Variants in PIEZO2 observed in about 807,000 individuals in gnomAD.
PIEZO2 encodes the protein piezo type mechanosensitive ion channel component 2, also known as piezo-type mechanosensitive ion channel component 2.
A neutral mutation model predicts 337.3 loss-of-function variants in PIEZO2; 172 were observed. The observed-to-expected ratio is 0.51, with a 90% CI of 0.45 to 0.58. The LOEUF (loss-of-function observed/expected upper bound fraction) is 0.58, where lower values mean the gene tolerates loss of function less well. PIEZO2 is among the 20% of genes least tolerant of loss of function. The probability of loss-of-function intolerance (pLI) is 0.00; values close to 1 mark genes in which losing one functional copy is unlikely to be tolerated. For synonymous variants in PIEZO2, 1,251 were observed against 1,228.5 expected (o/e 1.02, Z -0.38); for missense variants, 3,028 against 3,391.3 (o/e 0.89, Z 2.66).
chr18:10,694,382 T>C (rs1015687696), intron 47 of PIEZO2, among the ~76,000 whole-genome samples: 1 of 152,194 alleles, frequency 6.6e-6, no homozygotes, highest in Admixed American at 6.5e-5. Context: ...CCATTTTTTT[T>C]ATTACTTTCT....
chr18:10,886,823 C>A (rs772921549), intron 4 of PIEZO2, among the ~76,000 whole-genome samples: 28 of 151,846 alleles, frequency 1.8e-4, no homozygotes, highest in South Asian at 4.2e-4. Flanking sequence ...CTGTATTAGG[C>A]CTTTCTTGTC....
At chr18:11,066,302 A>C in intron 1 of PIEZO2, 80 bp from the exon 2 acceptor site, 1 of 1,003,132 alleles carries the variant, frequency 1.0e-6, no homozygotes, top group Middle Eastern at 2.1e-4. Context: ...ATAACAAAAG[A>C]TGGTCTCAGA....
intron 1 of PIEZO2, among the ~76,000 whole-genome samples, chr18:11,075,399 G>A (rs1026267210): frequency 6.6e-6 from 1 of 152,190 alleles, no homozygotes. Context: ...AAGGAAAAAG[G>A]CTGTTATGTC....
At chr18:10,756,275 TGAA>T (rs1205213316) in intron 27 of PIEZO2, among the ~76,000 whole-genome samples, 1 of 144,996 alleles carries the variant, frequency 6.9e-6, no homozygotes, top group Non-Finnish European at 1.5e-5. Flanking sequence ...GGGATGGAGA[TGAA>T]GAGGAGGGAT....
intron 20 of PIEZO2, among the ~76,000 whole-genome samples, chr18:10,772,354 C>G (rs1439409221): frequency 6.6e-6 from 1 of 152,194 alleles, no homozygotes; most frequent in Non-Finnish European, 1.5e-5. Context: ...AGAAAAGTGG[C>G]TGAGCAATTT....
Position 11,110,657 on chromosome 18 carries a change from T to C in PIEZO2, c.64+37868A>G, listed in dbSNP as rs974211483. 6.6e-5 allele frequency among the ~76,000 whole-genome samples: 10 copies of C among 152,204 alleles called. 1 individual carries two copies. In the South Asian group the frequency reaches 1.0e-3, roughly 16 times the overall value. On this transcript the variant is annotated intron_variant, in intron 1 of 55. Transcript: ENST00000674853. The surrounding 1 kb of genome is among the most constrained non-coding windows in gnomAD (Gnocchi z 4.2). ...GCCCCAGGCCAGGCTAGCAAGTCAG[T>C]GGCCTCTGATGCGATGCCTCGTCAT...
intron 2 of PIEZO2, among the ~76,000 whole-genome samples, chr18:11,024,368 A>AC (rs1161086879): frequency 1.3e-5 from 2 of 151,788 alleles, no homozygotes. Flanking sequence ...AGATAGTGAA[A>AC]CCCCACCTCT....
At chr18:10,754,367 G>A (rs940154525) in intron 27 of PIEZO2, among the ~76,000 whole-genome samples, 2 of 152,226 alleles carry the variant, frequency 1.3e-5, no homozygotes, top group Non-Finnish European at 2.9e-5. Context: ...GAAGAGGGGA[G>A]CATGGCTGTG....
At position 11,001,714 on chromosome 18, in the gene PIEZO2, C is replaced by T. The variant is rs1300684150; in HGVS notation, c.161-22054G>A. 2.0e-5 allele frequency among the ~76,000 whole-genome samples: 3 copies of T among 151,844 alleles called. No homozygotes were observed. Among genetic ancestry groups the T allele is most frequent in the Non-Finnish European group, 4.4e-5 (3 of 67,988 alleles). On this transcript the variant is annotated intron_variant, in intron 2 of 55. Transcript: ENST00000674853. This position sits in a 1 kb window ranked among gnomAD's most constrained non-coding sequence, Gnocchi z 5.3. ...CTAACATGGTAAAACCCTGTCTCTG[C>T]TAAAAATACAAAAATGGGCCATGCA...
intron 2 of PIEZO2, among the ~76,000 whole-genome samples, chr18:11,029,820 C>T (rs927481893): frequency 3.3e-5 from 5 of 152,098 alleles, no homozygotes; most frequent in Non-Finnish European, 1.5e-5. Flanking sequence ...AGAAGGTGGA[C>T]CCTTCCACCA....
chr18:10,970,087 C>T (rs113633276), intron 3 of PIEZO2, among the ~76,000 whole-genome samples: 3 of 152,124 alleles, frequency 2.0e-5, no homozygotes, highest in African/African-American at 4.8e-5. Flanking sequence ...TATCACTCAA[C>T]ATTAAAAGTT....
chr18:11,043,965 G>C (rs1195028636), intron 2 of PIEZO2, among the ~76,000 whole-genome samples: 1 of 152,150 alleles, frequency 6.6e-6, no homozygotes, highest in East Asian at 1.9e-4. Context: ...GAGCCACCGT[G>C]TCTGGCTGGT....
chr18:10,723,359 G>C (rs533584781), intron 36 of PIEZO2, among the ~76,000 whole-genome samples: 16 of 152,132 alleles, frequency 1.1e-4, no homozygotes, highest in Admixed American at 1.3e-4. Context: ...TTTGGATGGA[G>C]AGCTGGGAAT....
chr18:10,818,729 G>T (rs2040436453), intron 7 of PIEZO2, among the ~76,000 whole-genome samples: 1 of 152,160 alleles, frequency 6.6e-6, no homozygotes, highest in Middle Eastern at 3.2e-3. Context: ...AGTATTGTAT[G>T]TTCATATTAG....
At chr18:11,123,413 A>G (rs2040084760) in intron 1 of PIEZO2, among the ~76,000 whole-genome samples, 1 of 152,242 alleles carries the variant, frequency 6.6e-6, no homozygotes, top group African/African-American at 2.4e-5. Context: ...AAATTTCTAG[A>G]CAAGTAAAAC....
intron 5 of PIEZO2, among the ~76,000 whole-genome samples, chr18:10,867,655 A>G (rs1366264117): frequency 1.3e-5 from 2 of 152,026 alleles, no homozygotes; most frequent in Admixed American, 6.5e-5. Context: ...TTAAAATACT[A>G]TCTAAAAGAA....
chr18:10,702,262 A>T, intron 42 of PIEZO2, 91 bp from the exon 43 acceptor site: 2 of 1,246,126 alleles, frequency 1.6e-6, no homozygotes, highest in Non-Finnish European at 2.2e-6. Context: ...CAATTAAGAA[A>T]GAGACCCGCA....
At position 10,724,735 on chromosome 18, in the gene PIEZO2, C is replaced by T. The variant is rs762797490; in HGVS notation, c.5030-6476G>A. On this transcript the variant is annotated intron_variant, in intron 36 of 55. Coordinates refer to ENST00000674853, the MANE Select transcript of PIEZO2 (RefSeq NM_001378183.1). This position sits in a 1 kb window ranked among gnomAD's most constrained non-coding sequence, Gnocchi z 5.8. ...AGACCGAGATGGGCCACCACTGTAC[C>T]CCTGGTCTCAGTCCCTGGCCTTGCC... The T allele has an allele frequency of 1.8e-4, 281 of 1,524,442 alleles. No individual in the cohort carries two copies. The Middle Eastern group carries it at 1.9e-3, about 10-fold the overall frequency. The allele number at this position is 1,524,442 out of a possible 1,614,324, so 94.4% of individuals were successfully genotyped here.
intron 7 of PIEZO2, among the ~76,000 whole-genome samples, chr18:10,810,023 T>G (rs1298618545): frequency 6.6e-6 from 1 of 152,200 alleles, no homozygotes; most frequent in Admixed American, 6.5e-5. Flanking sequence ...CTTTTCTCTT[T>G]CATGCATTTG....
Sources: gnomAD v4.1 joint callset for allele counts (sites outside exome capture counted in the v4.1 genomes callset) on GRCh38, gnomAD v4.1.1 for gene constraint, Gnocchi (gnomAD v3.1) non-coding constraint, MANE v1.5 for transcripts, NCBI Gene and HGNC (gene_info 2026-07-23, HGNC 2026-07-21) for gene names.